The following PZP variants were observed in gnomAD, a reference collection of about 807,000 sequenced individuals.
The protein encoded by PZP is pregnancy zone protein.
A neutral mutation model predicts 179.8 loss-of-function variants in PZP; 150 were observed. The observed-to-expected ratio is 0.83, with a 90% CI of 0.73 to 0.96. The LOEUF (loss-of-function observed/expected upper bound fraction) is 0.96. PZP is among the 40% of genes least tolerant of loss of function. PZP has a pLI of 0.00. For missense variants in PZP, 1,689 were observed against 1,764.0 expected, an observed-to-expected ratio of 0.96 and a Z score of 0.76; for synonymous variants, 624 against 652.3, an observed-to-expected ratio of 0.96 and a Z score of 0.66.
Position 9,166,148 on chromosome 12 carries a change from A to G in PZP, c.2162T>C (p.Val721Ala). Reference protein sequence around the residue: ...PYVPQLGTYNVIPLNNEQSSG... With the variant: ...PYVPQLGTYNAIPLNNEQSSG... ...ACTTTGTTCATTATTTAAGGGTATCACATTATATGTGCCTAATTGAGGAAC... is the reference window on the plus strand; with the variant it reads ...ACTTTGTTCATTATTTAAGGGTATCGCATTATATGTGCCTAATTGAGGAAC... Residue 721 changes from valine (V) to alanine (A), a missense_variant, in exon 18 of 36, where the codon GTG becomes GCG. By Grantham distance (64) the Val-to-Ala change is moderately conservative (BLOSUM62 0). Transcript: ENST00000261336. 1 of 1,613,968 alleles carries G rather than the reference A, an allele frequency of 6.2e-7. No individual in the cohort carries two copies. The highest frequency in any genetic ancestry group is 8.5e-7 in the Non-Finnish European group (1 of 1,179,928).
At chr12:9,158,922 T>A (rs1940971767) in intron 25 of PZP, among the ~76,000 whole-genome samples, 1 of 152,166 alleles carries the variant, frequency 6.6e-6, no homozygotes, top group Non-Finnish European at 1.5e-5. Flanking sequence ...TGAATTTATT[T>A]CCTTTCCTAG....
intron 7 of PZP, among the ~76,000 whole-genome samples, chr12:9,200,142 A>G (rs777945256): frequency 1.1e-4 from 16 of 152,236 alleles, no homozygotes; most frequent in Non-Finnish European, 1.9e-4. Context: ...AAAATATATG[A>G]TGAAACAATA....
the PZP span, among the ~76,000 whole-genome samples, chr12:9,137,131 A>AT: frequency 1.3e-5 from 2 of 151,962 alleles, no homozygotes; most frequent in East Asian, 3.9e-4. Flanking sequence ...CATGTCTTTT[A>AT]TTTTTTCTTA....
At chr12:9,194,743 C>T (rs1426327040) in intron 10 of PZP, among the ~76,000 whole-genome samples, 1 of 152,068 alleles carries the variant, frequency 6.6e-6, no homozygotes, top group Non-Finnish European at 1.5e-5. Context: ...GGATTACAGG[C>T]GTGAGCCACC....
At chr12:9,158,699 A>G in intron 25 of PZP, 123 bp from the exon 26 acceptor site, 2 of 865,968 alleles carry the variant, frequency 2.3e-6, no homozygotes, top group Non-Finnish European at 3.2e-6. Flanking sequence ...TGTTACTGAG[A>G]GTTTGGAGAC....
rs772727115 is a variant in PZP at position 9,158,546 on chromosome 12, G to A, written c.3168C>T (p.Ala1056=). ...WLTAFVLKTF[A]QARSYIFIDE... is the part of the protein sequence containing the mutation. ...CAATGAAGATGTAGGATCGAGCCTGGGCGAAAGTCTTCAGTACAAAAGCTG... is the reference window on the plus strand; with the variant it reads ...CAATGAAGATGTAGGATCGAGCCTGAGCGAAAGTCTTCAGTACAAAAGCTG... Residue 1056 remains alanine, a synonymous_variant, in exon 26 of 36, where the codon GCC becomes GCT. Coordinates refer to ENST00000261336, the MANE Select transcript of PZP (RefSeq NM_002864.3). The A allele has an allele frequency of 6.2e-7, 1 of 1,614,076 alleles. No homozygotes were observed. The highest frequency in any genetic ancestry group is 2.2e-5 in the East Asian group (1 of 44,876).
chr12:9,169,113 T>C, intron 16 of PZP, 139 bp from the exon 17 acceptor site: 1 of 619,642 alleles, frequency 1.6e-6, no homozygotes, highest in Admixed American at 3.2e-5. Flanking sequence ...AAATATAGAG[T>C]AGTGAAATTA....
In PZP at chr12:9,148,976, A is replaced by G. The variant is rs199594978; in HGVS notation, c.4445T>C (p.Val1482Ala). The G allele has an allele frequency of 8.6e-5, 138 of 1,610,894 alleles. 1 individual carries two copies. In the East Asian group the frequency reaches 2.0e-3, roughly 23 times the overall value. ...AATATACAGCCTGTATGGTCCTCAA[A>G]CATTTCCATGCTCTGTATCTATGGA... ...PCSTDTEHGNV is the reference protein window; with the variant it reads ...PCSTDTEHGNA Residue 1482 changes from valine to alanine, a missense_variant, in exon 36 of 36, where the codon GTT (valine) becomes GCT (alanine). Physicochemically the swap from Val to Ala is moderately conservative, Grantham distance 64. Around this residue, in one of 3 missense-constraint regions of PZP, gnomAD observed 746 missense variants for 749.2 expected, o/e 1.00. Coordinates refer to ENST00000261336, the MANE Select transcript of PZP (RefSeq NM_002864.3).
intron 5 of PZP, 76 bp from the exon 6 acceptor site, chr12:9,201,136 G>A: frequency 1.3e-6 from 2 of 1,542,852 alleles, no homozygotes; most frequent in Admixed American, 1.8e-5. Flanking sequence ...GATTTTGAAG[G>A]TGATAATTAG....
chr12:9,141,419 A>T, the PZP span, among the ~76,000 whole-genome samples: 4 of 152,168 alleles, frequency 2.6e-5, no homozygotes, highest in Non-Finnish European at 4.4e-5. Context: ...ATAAGGTAAG[A>T]TTTCTATAGA....
chr12:9,181,152 C>T lies in PZP; in HGVS notation c.1690-20G>A, dbSNP rs1942735848. ...ATCCACCTGTGGGAAATGAAGGAAA[C>T]GTCAACCAGTGTTTTCCCTACTTCT... On this transcript the variant is annotated intron_variant, in intron 14 of 35. Transcript: ENST00000261336. 3.7e-6 allele frequency: 6 copies of T among 1,613,766 alleles called. No individual in the cohort carries two copies. Among genetic ancestry groups the T allele is most frequent in the South Asian group, 3.3e-5 (3 of 91,048 alleles).
At chr12:9,149,513 G>A in intron 35 of PZP, 48 bp downstream of exon 35, 1 of 1,539,794 alleles carries the variant, frequency 6.5e-7, no homozygotes, top group Non-Finnish European at 8.9e-7. Context: ...GGCCCTTGGA[G>A]AGTGGGTTAA....
chr12:9,165,513 T>C (rs1435823309), intron 18 of PZP, 146 bp from the exon 19 acceptor site: 1 of 905,276 alleles, frequency 1.1e-6, no homozygotes, highest in African/African-American at 1.7e-5. Context: ...CACTAGATTA[T>C]GTCCTGGGAT....
intron 28 of PZP, 42 bp downstream of exon 28, chr12:9,157,133 A>G (rs772840489): frequency 1.9e-6 from 3 of 1,574,688 alleles, no homozygotes; most frequent in Non-Finnish European, 2.6e-6. Flanking sequence ...CCCTGTGTCT[A>G]TGTGTTCTCA....
At chr12:9,149,082 G>C (rs757140550) in intron 35 of PZP, 88 bp from the exon 36 acceptor site, 9 of 1,240,480 alleles carry the variant, frequency 7.3e-6, no homozygotes, top group Non-Finnish European at 1.1e-5. Flanking sequence ...GCTTATGCAG[G>C]GTCAGGAAAC....
downstream of PZP, among the ~76,000 whole-genome samples, chr12:9,147,636 G>C (rs1173622356): frequency 6.6e-6 from 1 of 152,048 alleles, no homozygotes; most frequent in African/African-American, 2.4e-5. Flanking sequence ...AAGCCTGGGG[G>C]AAGACCAGGG....
In PZP at chr12:9,196,324, T is replaced by A; in HGVS notation, c.1092+6A>T. 1.1e-5 allele frequency: 17 copies of A among 1,588,720 alleles called. No individual in the cohort carries two copies. The highest frequency in any genetic ancestry group is 1.5e-5 in the Non-Finnish European group (17 of 1,157,162). ...TTGCTTACCTGTGCATTACAACATA[T>A]CTTACCTGTGCAAAAAAGGGGATTC... On this transcript the variant is annotated splice_donor_region_variant and intron_variant, in intron 10 of 35. Transcript: ENST00000261336.
the PZP span, among the ~76,000 whole-genome samples, chr12:9,137,361 G>T: frequency 5.3e-5 from 8 of 151,994 alleles, no homozygotes; most frequent in East Asian, 1.3e-3. Context: ...TTATTCCTGA[G>T]ATCTCTATTC....
At chr12:9,181,197 C>T (rs1182595922) in intron 14 of PZP, 65 bp from the exon 15 acceptor site, 3 of 1,603,660 alleles carry the variant, frequency 1.9e-6, no homozygotes, top group Admixed American at 3.4e-5. Flanking sequence ...CAGTCACCTG[C>T]ATTTCCTAAG....
Sources: allele counts gnomAD v4.1 joint callset (sites outside exome capture counted in the v4.1 genomes callset), GRCh38; gene constraint gnomAD v4.1.1; regional missense constraint gnomAD v4.1.1; transcripts MANE v1.5; gene names NCBI Gene and HGNC (gene_info 2026-07-23, HGNC 2026-07-21).